Variants in CLIP1 observed in about 807,000 individuals in gnomAD.
CLIP1 encodes CAP-Gly domain containing linker protein 1.
Under a neutral mutation model 161.6 loss-of-function variants are expected in CLIP1, and 66 were observed. The observed-to-expected ratio is 0.41, with a 90% CI of 0.33 to 0.50. The LOEUF (loss-of-function observed/expected upper bound fraction) is 0.50. CLIP1 is among the 20% of genes least tolerant of loss of function. The pLI is 0.27. For missense variants in CLIP1, 1,376 were observed against 1,702.0 expected (o/e 0.81, Z 3.37); for synonymous variants, 598 against 626.2 (o/e 0.96, Z 0.67).
intron 1 of CLIP1, chr12:122,396,760 T>C (rs1490403782): frequency 6.6e-6 from 1 of 151,264 alleles, no homozygotes; most frequent in Admixed American, 6.6e-5. Context: ...AAGACTTTTT[T>C]GTTGTTGTTT....
At position 122,377,091 on chromosome 12, in the gene CLIP1, C is replaced by G. The variant is rs188692743; in HGVS notation, c.657+298G>C. ...GTGGCGCAATCTCGGCTCACTGCAA[C>G]CTCCACCTCCCAGGTTCAGGCAATT... On this transcript the variant is annotated intron_variant, in intron 3 of 25. Coordinates refer to ENST00000620786, the MANE Select transcript of CLIP1 (RefSeq NM_001247997.2). Among the ~76,000 whole-genome samples, 350 of 151,328 alleles carry G rather than the reference C, an allele frequency of 2.3e-3. 1 individual carries two copies. Among genetic ancestry groups the G allele is most frequent in the African/African-American group, 8.2e-3 (336 of 41,142 alleles).
At chr12:122,341,899 T>TCAGCCTCCTGA (rs1358395738) in intron 10 of CLIP1, 6 of 370,188 alleles carry the variant, frequency 1.6e-5, no homozygotes, top group African/African-American at 2.1e-5. Context: ...TTCTCCTGCC[T>TCAGCCTCCTGA]CAGCCTCCTG....
chr12:122,377,517 T>C lies in CLIP1; in HGVS notation c.529A>G (p.Lys177Glu). ...IPQKPSQPAA[K>E]EPSATPPISN... ...ATCGGAGGCGTAGCTGAAGGTTCCT[T>C]TGCTGCTGGCTGTGATGGTTTCTGA... The change falls in exon 3 of 26, where the codon AAG (lysine) becomes GAG (glutamate). Residue 177 changes from lysine (K) to glutamate (E), a missense_variant. Physicochemically the swap from Lys to Glu is moderately conservative, Grantham distance 56. This residue lies in a region of CLIP1 where 119 missense variants were observed against 112.0 expected (regional missense o/e 1.06). Coordinates refer to ENST00000620786, the MANE Select transcript of CLIP1 (RefSeq NM_001247997.2). The C allele has an allele frequency of 6.2e-7, 1 of 1,614,072 alleles. No individual in the cohort carries two copies. Among genetic ancestry groups the C allele is most frequent in the Non-Finnish European group, 8.5e-7 (1 of 1,180,012 alleles).
intron 16 of CLIP1, 40 bp from the exon 17 acceptor site, chr12:122,328,202 T>C (rs750931359): frequency 1.2e-6 from 2 of 1,613,406 alleles, no homozygotes; most frequent in Admixed American, 1.7e-5. Flanking sequence ...CATCTGCCCA[T>C]GCGTGTACTA....
chr12:122,379,983 G>A (rs1484632814), intron 2 of CLIP1, among the ~76,000 whole-genome samples: 5 of 136,916 alleles, frequency 3.7e-5, no homozygotes, highest in Non-Finnish European at 7.7e-5. Context: ...AGTGGCTCAC[G>A]CCTGTAATCT....
intron 1 of CLIP1, among the ~76,000 whole-genome samples, chr12:122,403,543 G>C (rs1956216090): frequency 1.5e-5 from 2 of 132,400 alleles, no homozygotes. Flanking sequence ...TTTTGGCACA[G>C]AGTCTTACTC....
chr12:122,288,653 C>T, intron 20 of CLIP1, 112 bp from the exon 21 acceptor site: 2 of 804,212 alleles, frequency 2.5e-6, no homozygotes, highest in South Asian at 1.6e-5. Flanking sequence ...CATTGGCTTT[C>T]CTCAACAGCA....
At chr12:122,286,454 G>GGTT (rs1417159717) in intron 21 of CLIP1, among the ~76,000 whole-genome samples, 2 of 145,624 alleles carry the variant, frequency 1.4e-5, no homozygotes, top group Non-Finnish European at 3.0e-5. Flanking sequence ...GAGGTGGGGA[G>GGTT]GTTGCAGTGA....
intron 1 of CLIP1, among the ~76,000 whole-genome samples, chr12:122,408,503 C>A (rs1593265039): frequency 6.6e-6 from 1 of 151,930 alleles, no homozygotes; most frequent in East Asian, 1.9e-4. Flanking sequence ...CGCCTGCCAC[C>A]ACACCAGGCT....
chr12:122,408,630 G>A (rs1439812688), intron 1 of CLIP1, among the ~76,000 whole-genome samples: 1 of 151,972 alleles, frequency 6.6e-6, no homozygotes, highest in Non-Finnish European at 1.5e-5. Context: ...TTACAGGTGT[G>A]AGCTACCGCG....
chr12:122,345,000 A>AG (rs1378563986), intron 10 of CLIP1, among the ~76,000 whole-genome samples: 9 of 151,664 alleles, frequency 5.9e-5, no homozygotes. Context: ...CAGGAAAAAA[A>AG]ACATCAAAAT....
rs142459627 is a variant in CLIP1, at chr12:122,295,632, T to A, written c.3595-7091A>T. ...CAGATGACTGTTAGGTCCTGTTGAT[T>A]TAGAGTGTTATTCAAGTCTTCTGTT... is the stretch of plus-strand genomic sequence containing the variant. On this transcript the variant is annotated intron_variant, in intron 20 of 25. Transcript: ENST00000620786. Among the ~76,000 whole-genome samples the A allele has an allele frequency of 3.7e-3, 569 of 152,292 alleles. 4 individuals carry two copies. The highest frequency in any genetic ancestry group is 0.013 in the African/African-American group (544 of 41,568).
chr12:122,374,994 T>TC (rs1954648834), intron 3 of CLIP1, among the ~76,000 whole-genome samples: 1 of 152,034 alleles, frequency 6.6e-6, no homozygotes, highest in Non-Finnish European at 1.5e-5. Context: ...AGTCAAATTG[T>TC]CCAAGAACCT....
rs780432316 is a variant in CLIP1, at chr12:122,389,348, CTG to C, written c.-106-8792_-106-8791del. On this transcript the variant is annotated intron_variant, in intron 1 of 25. Transcript: ENST00000620786. ...AAATAAAATGAATGAGAAAAATAGT[CTG>C]AAGTATTTAAATGACTCTACAAACC... 7.5e-4 allele frequency among the ~76,000 whole-genome samples: 114 copies of C among 152,328 alleles called. 1 individual carries two copies. The highest frequency in any genetic ancestry group is 2.3e-3 in the Admixed American group (35 of 15,300).
chr12:122,311,274 T>C lies in CLIP1; in HGVS notation c.3474-1392A>G, dbSNP rs886240906. ...TGAGTGGCTACATGGTGTCTGCATG[T>C]GTGTGGCCTGTCAAAGTGCTACGCT... On this transcript the variant is annotated intron_variant, in intron 19 of 25. Transcript: ENST00000620786. The surrounding 1 kb of genome is among the most constrained non-coding windows in gnomAD (Gnocchi z 4.3). 6.6e-6 allele frequency among the ~76,000 whole-genome samples: 1 copy of C among 152,078 alleles called. No homozygotes were observed. Among genetic ancestry groups the C allele is most frequent in the African/African-American group, 2.4e-5 (1 of 41,396 alleles).
chr12:122,299,582 G>A (rs949928809), intron 20 of CLIP1, among the ~76,000 whole-genome samples: 14 of 116,720 alleles, frequency 1.2e-4, no homozygotes, highest in African/African-American at 4.9e-4. Context: ...AATGATACAT[G>A]CTGTTTTTGT....
intron 21 of CLIP1, among the ~76,000 whole-genome samples, chr12:122,285,809 G>A (rs1002650193): frequency 4.0e-5 from 6 of 151,854 alleles, no homozygotes; most frequent in Non-Finnish European, 2.9e-5. Flanking sequence ...GCAGGAACAA[G>A]CCCTATTTAT....
rs146556308 is a variant in CLIP1 at position 122,318,983 on chromosome 12, C to T, written c.3366+249G>A. ...CTAGAGCAGGCCATCAGTACCTCCTCTCACTAGTGCCATCAGTAAACAGTC... is the reference window on the plus strand; with the variant it reads ...CTAGAGCAGGCCATCAGTACCTCCTTTCACTAGTGCCATCAGTAAACAGTC... On this transcript the variant is annotated intron_variant, in intron 18 of 25. Transcript: ENST00000620786. Among the ~76,000 whole-genome samples the T allele has an allele frequency of 4.3e-3, 651 of 152,310 alleles. 7 individuals are homozygous for T. The highest frequency in any genetic ancestry group is 0.014 in the Middle Eastern group (4 of 294).
intron 15 of CLIP1, 70 bp from the exon 16 acceptor site, chr12:122,328,496 T>C (rs1343365839): frequency 2.4e-6 from 2 of 839,978 alleles, no homozygotes; most frequent in Non-Finnish European, 1.7e-6. Flanking sequence ...TATATTAAAA[T>C]ATACTATTAA....
Sources: allele counts gnomAD v4.1 joint callset (sites outside exome capture counted in the v4.1 genomes callset), GRCh38; gene constraint gnomAD v4.1.1; regional missense constraint gnomAD v4.1.1; non-coding constraint Gnocchi (gnomAD v3.1); transcripts MANE v1.5; gene names NCBI Gene and HGNC (gene_info 2026-07-23, HGNC 2026-07-21).